The following FMNL1 variants were observed in gnomAD, a reference collection of about 807,000 sequenced individuals.
FMNL1 encodes the protein formin like 1, also known as formin-like protein 1.
In FMNL1, 43 loss-of-function variants were observed where a neutral mutation model predicts 121.3. The observed-to-expected ratio is 0.35, with a 90% confidence interval of 0.28 to 0.46. FMNL1 has a LOEUF of 0.46. FMNL1 is among the 20% of genes least tolerant of loss of function. The pLI is 1.00. For missense variants in FMNL1, 1,191 were observed against 1,482.4 expected, an observed-to-expected ratio of 0.80 and a Z score of 3.23; for synonymous variants, 613 against 613.5, an observed-to-expected ratio of 1.00 and a Z score of 0.01.
intron 6 of FMNL1, chr17:45,234,548 T>TAGCTACTC: frequency 3.0e-6 from 1 of 333,614 alleles, no homozygotes; most frequent in Middle Eastern, 1.1e-3. Flanking sequence ...CCTGTAATCC[T>TAGCTACTC]AGCTACTCAG....
chr17:45,243,766 A>G (rs768526655), intron 17 of FMNL1, 25 bp from the exon 18 acceptor site: 588 of 1,592,514 alleles, frequency 3.7e-4, no homozygotes, highest in Non-Finnish European at 3.8e-4. Flanking sequence ...ATGATGCCCA[A>G]TCTCCCCTCT....
chr17:45,241,585 C>A lies in FMNL1; in HGVS notation c.1536C>A (p.Ser512Arg). Residue 512 changes from serine to arginine, a missense_variant, in exon 14 of 27, where the codon AGC (serine) becomes AGA (arginine). This residue lies in a region of FMNL1 where 519 missense variants were observed against 492.8 expected (regional missense o/e 1.05). Transcript: ENST00000331495. The surrounding 1 kb of genome is among the most constrained non-coding windows in gnomAD (Gnocchi z 7.0). The part of the protein sequence containing the change: ...EILPVAVATP[S>R]GGDAPTPGVP... ...TCCCCGTCGCTGTGGCAACTCCGAG[C>A]GGCGGTGATGCTCCGACTCCGGGGG... 6.4e-7 allele frequency: 1 copy of A among 1,557,628 alleles called. No individual in the cohort carries two copies. The highest frequency in any genetic ancestry group is 8.7e-7 in the Non-Finnish European group (1 of 1,149,890).
chr17:45,224,431 AGAG>A (rs1263772934), intron 1 of FMNL1, among the ~76,000 whole-genome samples: 2 of 152,192 alleles, frequency 1.3e-5, no homozygotes, highest in Non-Finnish European at 2.9e-5. Context: ...TCAGTGTCTA[AGAG>A]GAGAAGAACC....
At position 45,241,413 on chromosome 17, in the gene FMNL1, C is replaced by CGT; in HGVS notation, c.1364_1365insGT (p.Arg457ProfsTer23). The CGT allele has an allele frequency of 3.8e-6, 6 of 1,559,862 alleles. No homozygotes were observed. Among genetic ancestry groups the CGT allele is most frequent in the Non-Finnish European group, 5.2e-6 (6 of 1,153,104 alleles). On this transcript the variant is annotated frameshift_variant, in exon 14 of 27. Transcript: ENST00000331495. LOFTEE classifies it high-confidence loss of function. This position sits in a 1 kb window ranked among gnomAD's most constrained non-coding sequence, Gnocchi z 7.0. ...TTCAGCGAATCGACCGCCATGGGGC[C>CGT]CTCCAGGCGTCCCCCAGAGCCTGAG...
At position 45,238,571 on chromosome 17, in the gene FMNL1, G is replaced by C. The variant is rs769920910; in HGVS notation, c.902G>C (p.Gly301Ala). Residue 301 changes from glycine to alanine, a missense_variant, in exon 10 of 27, where the codon GGG (glycine) becomes GCG (alanine). Gly to Ala is a moderately conservative substitution (Grantham distance 60). Around this residue, in one of 4 missense-constraint regions of FMNL1, gnomAD observed 253 missense variants for 417.5 expected, o/e 0.61. Transcript: ENST00000331495. ...GCCATTCCCCTTACCCAGGTGTGTG[G>C]GGAGCAGCACCGCTTTGAAAAGCTG... ...AAFDNFKEVCGEQHRFEKLME... is the reference protein window; with the variant it reads ...AAFDNFKEVCAEQHRFEKLME... 2.5e-6 allele frequency: 4 copies of C among 1,614,192 alleles called. No individual in the cohort carries two copies. The highest frequency in any genetic ancestry group is 1.7e-6 in the Non-Finnish European group (2 of 1,180,026).
At position 45,241,834 on chromosome 17, in the gene FMNL1, C is replaced by T. The variant is rs558943755; in HGVS notation, c.1586-13C>T. On this transcript the variant is annotated splice_polypyrimidine_tract_variant and intron_variant, in intron 14 of 26. Coordinates refer to ENST00000331495, the MANE Select transcript of FMNL1 (RefSeq NM_005892.4). This position sits in a 1 kb window ranked among gnomAD's most constrained non-coding sequence, Gnocchi z 7.0. ...ACTCGCGCCTCCCCCACGCCGCGCC[C>T]TCGCTGGCTCAGATCTCGCACCTGC... 4.2e-6 allele frequency: 6 copies of T among 1,417,330 alleles called. No homozygotes were observed. In the South Asian group the frequency reaches 9.0e-5, roughly 21 times the overall value. The allele number at this position is 1,417,330 out of a possible 1,614,324, so 87.8% of individuals were successfully genotyped here. A position where few individuals can be genotyped will look rare whatever the true frequency, so the allele number is the denominator to read the frequency against.
At chr17:45,238,494 G>T in intron 9 of FMNL1, 70 bp from the exon 10 acceptor site, 2 of 1,536,668 alleles carry the variant, frequency 1.3e-6, no homozygotes, top group East Asian at 2.3e-5. Context: ...TGAAGCACAG[G>T]TGTGGCAGCC....
chr17:45,222,338 G>A, intron 1 of FMNL1, 85 bp downstream of exon 1: 1 of 1,060,398 alleles, frequency 9.4e-7, no homozygotes, highest in South Asian at 4.6e-5. Context: ...CCGCCCCCGG[G>A]GACTCAGGTG....
Position 45,243,990 on chromosome 17 carries a change from G to T in FMNL1, c.2413G>T (p.Gly805Cys). The change falls in exon 18 of 27, where the codon GGC becomes TGC. Residue 805 changes from glycine (G) to cysteine (C), a missense_variant. Physicochemically the swap from Gly to Cys is radical, Grantham distance 159. Transcript: ENST00000331495. ...PERMTTLTFL[G>C]NFPDTAQLLM... ...GCGCATGACCACACTCACCTTCCTGGGCAACTTCCCGGACACAGCCCAGCT... is the reference window on the plus strand; with the variant it reads ...GCGCATGACCACACTCACCTTCCTGTGCAACTTCCCGGACACAGCCCAGCT... The T allele has an allele frequency of 6.2e-7, 1 of 1,611,882 alleles. No individual in the cohort carries two copies.
intron 1 of FMNL1, among the ~76,000 whole-genome samples, chr17:45,228,977 C>T (rs377244347): frequency 6.6e-6 from 1 of 152,282 alleles, no homozygotes; most frequent in South Asian, 2.1e-4. Flanking sequence ...GAGACATCAT[C>T]GAGAGAGACA....
rs373793051 is a variant in FMNL1, at chr17:45,239,086, C to A, written c.1080+21C>A. On this transcript the variant is annotated intron_variant, in intron 11 of 26. Coordinates refer to ENST00000331495, the MANE Select transcript of FMNL1 (RefSeq NM_005892.4). ...TGGAGGTAAGCCCTGTACTGCCCCC[C>A]AGACTGAACTGCCTGCCCACGGCAG... 3.8e-6 allele frequency: 6 copies of A among 1,589,498 alleles called. No homozygotes were observed. The Admixed American group carries it at 5.0e-5, about 13-fold the overall frequency.
At position 45,236,260 on chromosome 17, in the gene FMNL1, T is replaced by C. The variant is rs2043547442; in HGVS notation, c.723+16T>C. On this transcript the variant is annotated intron_variant, in intron 7 of 26. Coordinates refer to ENST00000331495, the MANE Select transcript of FMNL1 (RefSeq NM_005892.4). Reference sequence around the variant, plus strand: ...GAACTACCAGGTCAGCCGAGGGGCATGGGACTGGCGACTAGGGAGCCCAGC... The same window carrying C: ...GAACTACCAGGTCAGCCGAGGGGCACGGGACTGGCGACTAGGGAGCCCAGC... 2.5e-6 allele frequency: 4 copies of C among 1,609,066 alleles called. No homozygotes were observed. Among genetic ancestry groups the C allele is most frequent in the African/African-American group, 1.3e-5 (1 of 74,870 alleles).
intron 18 of FMNL1, 56 bp downstream of exon 18, chr17:45,244,081 C>A: frequency 1.2e-6 from 2 of 1,600,666 alleles, no homozygotes; most frequent in South Asian, 1.1e-5. Flanking sequence ...CAGGAGGCAA[C>A]TCCCAGCCTG....
chr17:45,243,561 A>G (rs535487750), intron 17 of FMNL1, among the ~76,000 whole-genome samples: 55 of 152,332 alleles, frequency 3.6e-4, no homozygotes, highest in Non-Finnish European at 6.8e-4. Context: ...TGTGGGATTT[A>G]CAGCCGGGCG....
At chr17:45,225,731 G>A (rs117439890) in intron 1 of FMNL1, among the ~76,000 whole-genome samples, 340 of 152,254 alleles carry the variant, frequency 2.2e-3, no homozygotes, top group African/African-American at 7.0e-3. Context: ...AGGCAGGGAC[G>A]TTTCCTGAGC....
In FMNL1 at chr17:45,222,176, C is replaced by T. The variant is rs1001732920; in HGVS notation, c.52C>T (p.Pro18Ser). 1.6e-6 allele frequency: 2 copies of T among 1,226,546 alleles called. No homozygotes were observed. Among genetic ancestry groups the T allele is most frequent in the Non-Finnish European group, 1.0e-6 (1 of 983,602 alleles). The allele number at this position is 1,226,546 out of a possible 1,614,324, so 76.0% of individuals were successfully genotyped here. ...AEQPAGPAAP[P>S]PKQPAPPKQP... ...GCAGCCCGCGGGCCCCGCCGCGCCGCCCCCCAAGCAGCCCGCGCCTCCCAA... is the reference window on the plus strand; with the variant it reads ...GCAGCCCGCGGGCCCCGCCGCGCCGTCCCCCAAGCAGCCCGCGCCTCCCAA... Residue 18 changes from proline (P) to serine (S), a missense_variant, in exon 1 of 27, where the codon CCC becomes TCC. By Grantham distance (74) the Pro-to-Ser change is moderately conservative. Around this residue, in one of 4 missense-constraint regions of FMNL1, gnomAD observed 52 missense variants for 43.4 expected, o/e 1.20. Coordinates refer to ENST00000331495, the MANE Select transcript of FMNL1 (RefSeq NM_005892.4).
In FMNL1 at chr17:45,236,622, T is replaced by A. The variant is rs549256359; in HGVS notation, c.723+378T>A. The A allele has an allele frequency of 1.6e-3, 272 of 168,468 alleles. 1 individual carries two copies. Among genetic ancestry groups the A allele is most frequent in the Admixed American group, 1.9e-3 (31 of 15,996 alleles). The allele number at this position is 168,468 out of a possible 1,614,324, so 10.4% of individuals were successfully genotyped here. ...TACTTAGCCCGCCTTTAAGCCAGCT[T>A]CACGGTTTCCAAGGTGCCTGATGCT... is the stretch of plus-strand genomic sequence containing the variant. On this transcript the variant is annotated intron_variant, in intron 7 of 26. Coordinates refer to ENST00000331495, the MANE Select transcript of FMNL1 (RefSeq NM_005892.4).
chr17:45,231,641 G>A lies in FMNL1; in HGVS notation c.214-726G>A, dbSNP rs539948355. On this transcript the variant is annotated intron_variant, in intron 2 of 26. Coordinates refer to ENST00000331495, the MANE Select transcript of FMNL1 (RefSeq NM_005892.4). The surrounding 1 kb of genome is among the most constrained non-coding windows in gnomAD (Gnocchi z 4.7). ...GCCCCTCTGGGGAGGGGTCTTTGCC[G>A]TGGTCCCTGCCTCTTTGTGTGAGTG... Among the ~76,000 whole-genome samples the A allele has an allele frequency of 2.0e-5, 3 of 152,116 alleles. No individual in the cohort carries two copies. Among genetic ancestry groups the A allele is most frequent in the Admixed American group, 6.5e-5 (1 of 15,286 alleles).
intron 16 of FMNL1, among the ~76,000 whole-genome samples, chr17:45,242,888 T>A (rs1226542299): frequency 6.6e-6 from 1 of 152,252 alleles, no homozygotes; most frequent in Non-Finnish European, 1.5e-5. Context: ...CAGCTCTTCC[T>A]TTAGCTCTTG....
Sources: allele counts gnomAD v4.1 joint callset (sites outside exome capture counted in the v4.1 genomes callset), GRCh38; gene constraint gnomAD v4.1.1; regional missense constraint gnomAD v4.1.1; non-coding constraint Gnocchi (gnomAD v3.1); transcripts MANE v1.5; gene names NCBI Gene and HGNC (gene_info 2026-07-23, HGNC 2026-07-21).